The following GAB4 variants were observed in gnomAD, a reference collection of about 807,000 sequenced individuals.
The protein encoded by GAB4 is GRB2-associated-binding protein 4.
A neutral mutation model predicts 51.3 loss-of-function variants in GAB4; 26 were observed. That is an observed-to-expected ratio of 0.51 (90% CI 0.37 to 0.70). GAB4 has a LOEUF of 0.70. Ranked by LOEUF, GAB4 falls within the 30% of genes least tolerant of loss-of-function variation. GAB4 has a pLI of 0.00. For missense variants in GAB4, 759 were observed against 734.6 expected (o/e 1.03, Z -0.38); for synonymous variants, 329 against 291.2 (o/e 1.13, Z -1.32).
chr22:16,971,863 G>A (rs994504923), intron 3 of GAB4, among the ~76,000 whole-genome samples: 5 of 152,074 alleles, frequency 3.3e-5, no homozygotes, highest in African/African-American at 9.7e-5. Flanking sequence ...ATGGGCCACC[G>A]AGCTTCACAG....
chr22:17,008,137 G>A lies in GAB4; in HGVS notation c.-23C>T. The A allele has an allele frequency of 1.9e-6, 3 of 1,564,466 alleles. No individual in the cohort carries two copies. The highest frequency in any genetic ancestry group is 2.6e-6 in the Non-Finnish European group (3 of 1,144,098). On this transcript the variant is annotated 5_prime_UTR_variant, in exon 1 of 10. Transcript: ENST00000400588. ...CATGGGGGCTGCAGCTCACAGTGAA[G>A]GTGGGGGAGACAGGGCGAGAGGGCG...
rs9606550 is a variant in GAB4, at chr22:16,962,289, A to C, written c.*444T>G. On this transcript the variant is annotated 3_prime_UTR_variant, in exon 10 of 10. Transcript: ENST00000400588. ...TTAACCTTCCTTCTCAACTATTCCA[A>C]CGTTTGATGGCCTTGCCTCTCCCCT... The C allele has an allele frequency of 6.5e-6, 1 of 154,154 alleles. No homozygotes were observed. The highest frequency in any genetic ancestry group is 1.4e-5 in the Non-Finnish European group (1 of 69,644). 9.5% of individuals were successfully genotyped at this position (154,154 alleles called of 1,614,324 possible). A position where few individuals can be genotyped will look rare whatever the true frequency, so the allele number is the denominator to read the frequency against.
intron 2 of GAB4, among the ~76,000 whole-genome samples, chr22:16,990,618 T>C (rs1291489466): frequency 1.3e-5 from 2 of 151,978 alleles, no homozygotes; most frequent in Non-Finnish European, 2.9e-5. Flanking sequence ...CACCCTCACC[T>C]CCACAGCCCC....
At chr22:16,994,167 T>C (rs1023111762) in intron 1 of GAB4, among the ~76,000 whole-genome samples, 2 of 152,190 alleles carry the variant, frequency 1.3e-5, no homozygotes, top group African/African-American at 4.8e-5. Context: ...TCATTGCTAA[T>C]CTTCATTTCC....
chr22:16,990,254 T>G (rs543617870), intron 2 of GAB4, among the ~76,000 whole-genome samples: 1 of 152,338 alleles, frequency 6.6e-6, no homozygotes, highest in African/African-American at 2.4e-5. Flanking sequence ...TAATTCCTCG[T>G]GTTTCAAATG....
In GAB4 at chr22:16,963,777, G is replaced by C. The variant is rs199551459; in HGVS notation, c.1529C>G (p.Pro510Arg). Residue 510 changes from proline to arginine, a missense_variant, in exon 9 of 10, where the codon CCG becomes CGG. Physicochemically the swap from Pro to Arg is moderately radical, Grantham distance 103. Coordinates refer to ENST00000400588, the MANE Select transcript of GAB4 (RefSeq NM_001037814.1). ...GTAGTGGATGTTACCAGTGCTCCTCGGCGGGGCTGAACTGCTGGTGCCACC... is the reference window on the plus strand; with the variant it reads ...GTAGTGGATGTTACCAGTGCTCCTCCGCGGGGCTGAACTGCTGGTGCCACC... ...VSGGTSSSAP[P>R]RSTGNIHYAA... 34 of 1,613,816 alleles carry C rather than the reference G, an allele frequency of 2.1e-5. No homozygotes were observed. Among genetic ancestry groups the C allele is most frequent in the Non-Finnish European group, 2.7e-5 (32 of 1,179,988 alleles).
At chr22:16,966,579 C>A in intron 5 of GAB4, 1 of 558,652 alleles carries the variant, frequency 1.8e-6, no homozygotes, top group South Asian at 2.4e-5. Context: ...TCTGGGCAGC[C>A]TCAGGGGTCA....
intron 8 of GAB4, 127 bp from the exon 9 acceptor site, chr22:16,963,956 C>A: frequency 1.5e-6 from 1 of 680,540 alleles, no homozygotes; most frequent in Non-Finnish European, 2.6e-6. Context: ...CTGGGGCACT[C>A]TCTGCTCATT....
chr22:16,968,746 A>T (rs1196920409), intron 4 of GAB4, among the ~76,000 whole-genome samples: 1 of 152,224 alleles, frequency 6.6e-6, no homozygotes, highest in Non-Finnish European at 1.5e-5. Context: ...TATTTTACAC[A>T]TAAATGTGAG....
At chr22:17,000,174 G>A (rs1389490229) in intron 1 of GAB4, among the ~76,000 whole-genome samples, 2 of 152,200 alleles carry the variant, frequency 1.3e-5, no homozygotes, top group African/African-American at 4.8e-5. Flanking sequence ...GCGTAGAGCT[G>A]AGTTCAATTC....
At chr22:16,977,923 A>T (rs73145699) in intron 3 of GAB4, among the ~76,000 whole-genome samples, 3,368 of 152,322 alleles carry the variant, frequency 0.022, 58 homozygotes, top group Middle Eastern at 0.068. Context: ...CTGTTCCTGA[A>T]TTTATTTACT....
chr22:16,968,196 G>A (rs2060697412), intron 5 of GAB4, 102 bp downstream of exon 5: 5 of 829,346 alleles, frequency 6.0e-6, no homozygotes, highest in Non-Finnish European at 1.0e-5. Context: ...CCTCCTAGGA[G>A]GGAGATGCTG....
rs749217845 is a variant in GAB4, at chr22:16,962,730, G to A, written c.*3C>T. On this transcript the variant is annotated 3_prime_UTR_variant, in exon 10 of 10. Coordinates refer to ENST00000400588, the MANE Select transcript of GAB4 (RefSeq NM_001037814.1). ...GGCCCCACTCTGGTTTTGGTGGCCC[G>A]AGTCACAGCTTGGCGCCCCTGGGAG... 1.9e-5 allele frequency: 31 copies of A among 1,608,816 alleles called. No individual in the cohort carries two copies. The highest frequency in any genetic ancestry group is 8.9e-5 in the East Asian group (4 of 44,842).
At chr22:16,995,145 G>C (rs1395708137) in intron 1 of GAB4, among the ~76,000 whole-genome samples, 1 of 152,190 alleles carries the variant, frequency 6.6e-6, no homozygotes, top group Non-Finnish European at 1.5e-5. Context: ...CACGGGCTCT[G>C]CTTGTTCTCT....
intron 3 of GAB4, among the ~76,000 whole-genome samples, chr22:16,979,459 A>T (rs2060808987): frequency 1.3e-5 from 2 of 152,194 alleles, no homozygotes; most frequent in Admixed American, 1.3e-4. Flanking sequence ...TAGAACTTAC[A>T]AGGGATGAGA....
intron 3 of GAB4, among the ~76,000 whole-genome samples, chr22:16,984,129 C>T (rs551761272): frequency 3.9e-5 from 6 of 152,024 alleles, no homozygotes; most frequent in South Asian, 4.2e-4. Context: ...AATCAGATTA[C>T]AAAATGGACA....
chr22:16,963,598 A>G, intron 9 of GAB4, 127 bp downstream of exon 9: 2 of 695,030 alleles, frequency 2.9e-6, no homozygotes, highest in South Asian at 3.2e-5. Context: ...ACTGAGCATA[A>G]GAGCCAGGCA....
chr22:17,006,777 T>C (rs1354948054), intron 1 of GAB4, among the ~76,000 whole-genome samples: 1 of 152,182 alleles, frequency 6.6e-6, no homozygotes, highest in Admixed American at 6.5e-5. Context: ...AACACCGCCA[T>C]GTTCTCACTC....
At chr22:16,971,524 A>C (rs1329979939) in intron 3 of GAB4, among the ~76,000 whole-genome samples, 2 of 152,166 alleles carry the variant, frequency 1.3e-5, no homozygotes, top group Non-Finnish European at 2.9e-5. Context: ...TTATATTATT[A>C]TTCCTCCTAG....
Sources: allele counts gnomAD v4.1 joint callset (sites outside exome capture counted in the v4.1 genomes callset), GRCh38; gene constraint gnomAD v4.1.1; transcripts MANE v1.5; gene names NCBI Gene and HGNC (gene_info 2026-07-23, HGNC 2026-07-21).